TGFBR3: variants seen among roughly 807,000 people sequenced by gnomAD.
TGFBR3 encodes the protein transforming growth factor beta receptor 3, also known as transforming growth factor beta receptor type 3.
A neutral mutation model predicts 87.9 loss-of-function variants in TGFBR3; 46 were observed. That is an observed-to-expected ratio of 0.52 (90% CI 0.41 to 0.67). The LOEUF (loss-of-function observed/expected upper bound fraction) is 0.67. Ranked by LOEUF, TGFBR3 falls within the 30% of genes least tolerant of loss-of-function variation. The pLI, the probability that TGFBR3 is intolerant of heterozygous loss-of-function variation, is 0.00. For synonymous variants in TGFBR3, 381 were observed against 391.6 expected (o/e 0.97, Z 0.32); for missense variants, 866 against 1,041.9 (o/e 0.83, Z 2.32).
chr1:91,811,426 T>C (rs926397874), intron 2 of TGFBR3, among the ~76,000 whole-genome samples: 6 of 152,230 alleles, frequency 3.9e-5, no homozygotes, highest in African/African-American at 1.2e-4. Flanking sequence ...GATTTTTAAC[T>C]TTTTAAACCA....
chr1:91,811,147 C>CA (rs1321744268), intron 2 of TGFBR3, among the ~76,000 whole-genome samples: 8 of 152,030 alleles, frequency 5.3e-5, no homozygotes, highest in African/African-American at 1.9e-4. Flanking sequence ...CTCATCTCTA[C>CA]AAAAGATTAA....
intron 2 of TGFBR3, among the ~76,000 whole-genome samples, chr1:91,899,289 G>A (rs1015710350): frequency 1.2e-4 from 18 of 152,046 alleles, no homozygotes; most frequent in African/African-American, 3.6e-4. Context: ...AAGCTTAGGC[G>A]GAAGGATCAC....
chr1:91,758,515 T>G (rs1673830375), intron 4 of TGFBR3, 98 bp downstream of exon 4: 1 of 1,395,172 alleles, frequency 7.2e-7, no homozygotes, highest in Non-Finnish European at 1.0e-6. Flanking sequence ...TCTGGCATTA[T>G]TTCAGTGAAA....
At chr1:91,785,980 T>C (rs1674942922) in intron 3 of TGFBR3, among the ~76,000 whole-genome samples, 2 of 152,088 alleles carry the variant, frequency 1.3e-5, no homozygotes, top group South Asian at 2.1e-4. Context: ...CCCAGGCTGG[T>C]CTTGAACTCC....
intron 16 of TGFBR3, among the ~76,000 whole-genome samples, chr1:91,688,108 A>C (rs1229597969): frequency 6.6e-6 from 1 of 152,166 alleles, no homozygotes; most frequent in Non-Finnish European, 1.5e-5. Flanking sequence ...CTTTTGCAGC[A>C]AAATTCTCCA....
chr1:91,797,429 G>T lies in TGFBR3; in HGVS notation c.104C>A (p.Ala35Asp). The T allele has an allele frequency of 6.2e-7, 1 of 1,614,210 alleles. No homozygotes were observed. The highest frequency in any genetic ancestry group is 8.5e-7 in the Non-Finnish European group (1 of 1,180,032). ...CATCAAGGCCTGGACAGGATGGGAG[G>T]CACTGACAGGTGACAGTTCACACAG... Reference protein sequence around the residue: ...GALCELSPVSASHPVQALMES... With the variant: ...GALCELSPVSDSHPVQALMES... Residue 35 changes from alanine to aspartate, a missense_variant, in exon 3 of 17, where the codon GCC (alanine) becomes GAC (aspartate). Ala to Asp is a moderately radical substitution (Grantham distance 126). Coordinates refer to ENST00000212355, the MANE Select transcript of TGFBR3 (RefSeq NM_003243.5).
At chr1:91,764,130 A>T (rs1428243646) in intron 3 of TGFBR3, among the ~76,000 whole-genome samples, 1 of 151,892 alleles carries the variant, frequency 6.6e-6, no homozygotes, top group Admixed American at 6.6e-5. Context: ...GGGGCACTCA[A>T]CTAACCATTC....
At chr1:91,893,535 G>A (rs531508763) in intron 2 of TGFBR3, among the ~76,000 whole-genome samples, 11 of 152,074 alleles carry the variant, frequency 7.2e-5, no homozygotes, top group Non-Finnish European at 1.3e-4. Flanking sequence ...TGCCCATCTC[G>A]GCCTCAAAGT....
At chr1:91,840,342 G>C (rs2101112995) in intron 2 of TGFBR3, among the ~76,000 whole-genome samples, 1 of 150,426 alleles carries the variant, frequency 6.6e-6, no homozygotes, top group South Asian at 2.1e-4. Context: ...AAAATCAATT[G>C]TTCTATCTTG....
chr1:91,792,405 C>T (rs955455629), intron 3 of TGFBR3, among the ~76,000 whole-genome samples: 22 of 152,310 alleles, frequency 1.4e-4, no homozygotes, highest in Admixed American at 4.6e-4. Flanking sequence ...TACAGCCAGG[C>T]ACTGGCACGC....
chr1:91,680,765 G>A lies in TGFBR3; in HGVS notation c.*2974C>T. 2.2e-6 allele frequency: 1 copy of A among 453,986 alleles called. No individual in the cohort carries two copies. Among genetic ancestry groups the A allele is most frequent in the Non-Finnish European group, 4.4e-6 (1 of 226,782 alleles). The allele number at this position is 453,986 out of a possible 1,614,324, so 28.1% of individuals were successfully genotyped here. A position where few individuals can be genotyped will look rare whatever the true frequency, so the allele number is the denominator to read the frequency against. The stretch of plus-strand genomic sequence containing the variant: ...AGGTAGTTACAGTACAAAAAGACTG[G>A]CACGCGTGTGAGCACCCCACACACA... On this transcript the variant is annotated 3_prime_UTR_variant, in exon 17 of 17. Transcript: ENST00000212355.
At chr1:91,853,460 T>C (rs373513624) in intron 2 of TGFBR3, among the ~76,000 whole-genome samples, 23 of 152,016 alleles carry the variant, frequency 1.5e-4, no homozygotes, top group Non-Finnish European at 2.5e-4. Flanking sequence ...GAGATAACTA[T>C]GGCAGAACCA....
chr1:91,852,095 A>G (rs1270055854), intron 2 of TGFBR3, among the ~76,000 whole-genome samples: 5 of 152,178 alleles, frequency 3.3e-5, no homozygotes, highest in African/African-American at 4.8e-5. Flanking sequence ...CAAAAAATAC[A>G]AAACTTAGCC....
In TGFBR3 at chr1:91,729,927, TGA is replaced by T. The variant is rs745682445; in HGVS notation, c.613_614del (p.Ser205ThrfsTer6). ...GAAGGTACTCAGCAAGGTAATTGAGTGAGAGAAAATTCTTCCCTATGTTGCAC... is the reference window on the plus strand; with the variant it reads ...GAAGGTACTCAGCAAGGTAATTGAGTGAGAAAATTCTTCCCTATGTTGCAC... ...PKCNIGKNFL[S>X]LNYLAEYLQP... On this transcript the variant is annotated frameshift_variant, in exon 6 of 17. Coordinates refer to ENST00000212355, the MANE Select transcript of TGFBR3 (RefSeq NM_003243.5). LOFTEE classifies it high-confidence loss of function. 1 of 1,614,084 alleles carries T rather than the reference TGA, an allele frequency of 6.2e-7. No individual in the cohort carries two copies. The highest frequency in any genetic ancestry group is 8.5e-7 in the Non-Finnish European group (1 of 1,180,004).
intron 2 of TGFBR3, among the ~76,000 whole-genome samples, chr1:91,812,922 G>GT (rs1676079107): frequency 6.6e-6 from 1 of 152,116 alleles, no homozygotes; most frequent in Non-Finnish European, 1.5e-5. Flanking sequence ...CTGCTTTATA[G>GT]TTTTGCCTAT....
intron 2 of TGFBR3, among the ~76,000 whole-genome samples, chr1:91,837,469 C>T (rs1407357918): frequency 6.6e-6 from 1 of 152,102 alleles, no homozygotes; most frequent in Non-Finnish European, 1.5e-5. Flanking sequence ...TGGTCTCAAA[C>T]TCCTGACCTC....
At chr1:91,734,477 C>A (rs1184139241) in intron 5 of TGFBR3, among the ~76,000 whole-genome samples, 1 of 152,178 alleles carries the variant, frequency 6.6e-6, no homozygotes, top group Non-Finnish European at 1.5e-5. Flanking sequence ...CCTCCACTTA[C>A]TTTTTTTGAC....
chr1:91,879,752 A>C (rs1158782831), intron 1 of TGFBR3, among the ~76,000 whole-genome samples: 1 of 152,236 alleles, frequency 6.6e-6, no homozygotes, highest in Non-Finnish European at 1.5e-5. Flanking sequence ...CTTTGCAAGC[A>C]GAGAAAATAA....
In TGFBR3 at chr1:91,712,592, T is replaced by C. The variant is rs773611203; in HGVS notation, c.1867-50A>G. 11 of 1,587,556 alleles carry C rather than the reference T, an allele frequency of 6.9e-6. No individual in the cohort carries two copies. In the East Asian group the frequency reaches 2.5e-4, roughly 36 times the overall value. On this transcript the variant is annotated intron_variant, in intron 12 of 16. Transcript: ENST00000212355. ...TAGGAAATGAGTTAGCATCTCACTT[T>C]CACTTTAGGCACAAGGACCATATGC... is the stretch of plus-strand genomic sequence containing the variant.
Sources: allele counts gnomAD v4.1 joint callset (sites outside exome capture counted in the v4.1 genomes callset), GRCh38; gene constraint gnomAD v4.1.1; transcripts MANE v1.5; gene names NCBI Gene and HGNC (gene_info 2026-07-23, HGNC 2026-07-21).